CHD5: variants seen among roughly 807,000 people sequenced by gnomAD.
The protein encoded by CHD5 is chromodomain helicase DNA binding protein 5.
Under a neutral mutation model 230.3 loss-of-function variants are expected in CHD5, and 69 were observed. The ratio of observed to expected loss-of-function variants is 0.30; its 90% CI spans 0.25 to 0.37. The LOEUF (loss-of-function observed/expected upper bound fraction) is 0.37. Ranked by LOEUF, CHD5 falls within the 10% of genes least tolerant of loss-of-function variation. The probability of loss-of-function intolerance (pLI) is 1.00; values close to 1 mark genes in which losing one functional copy is unlikely to be tolerated. For synonymous variants in CHD5, 1,064 were observed against 1,065.9 expected, an observed-to-expected ratio of 1.00 and a Z score of 0.03; for missense variants, 1,827 against 2,622.8, an observed-to-expected ratio of 0.70 and a Z score of 6.63.
intron 3 of CHD5, among the ~76,000 whole-genome samples, chr1:6,159,006 C>CAAAAAAAA (rs35569300): frequency 1.6e-5 from 1 of 63,642 alleles, no homozygotes; most frequent in Non-Finnish European, 2.8e-5. Context: ...GACTCCGTCT[C>CAAAAAAAA]AAAAAAAAAA....
chr1:6,124,675 GGGGGACTGGGGCTCAGGGAGTGGGGGGC>G lies in CHD5; in HGVS notation c.4395-42_4395-15del. On this transcript the variant is annotated splice_polypyrimidine_tract_variant and intron_variant, in intron 29 of 41. Coordinates refer to ENST00000262450, the MANE Select transcript of CHD5 (RefSeq NM_015557.3). ...GACACATAGGCTCTGGGGTGGGGGGGGGGGACTGGGGCTCAGGGAGTGGGGGGCCGGCAAGAACCCTCTGAGAGGGCTG... is the reference window on the plus strand; with the variant it reads ...GACACATAGGCTCTGGGGTGGGGGGGCGGCAAGAACCCTCTGAGAGGGCTG... 1.3e-6 allele frequency: 1 copy of G among 773,362 alleles called. No homozygotes were observed. The highest frequency in any genetic ancestry group is 2.2e-6 in the Non-Finnish European group (1 of 462,828). 47.9% of individuals were successfully genotyped at this position (773,362 alleles called of 1,614,324 possible).
chr1:6,163,506 A>T (rs917860011), intron 2 of CHD5, among the ~76,000 whole-genome samples: 1 of 152,144 alleles, frequency 6.6e-6, no homozygotes, highest in Non-Finnish European at 1.5e-5. Context: ...GACATTCTAG[A>T]ACTAGGCCTC....
At chr1:6,140,525 T>G (rs546626643) in intron 15 of CHD5, among the ~76,000 whole-genome samples, 15 of 152,310 alleles carry the variant, frequency 9.8e-5, no homozygotes, top group African/African-American at 3.6e-4. Context: ...GACCTCATGC[T>G]TATTAACTCA....
At chr1:6,179,227 A>C (rs2100893379) in intron 1 of CHD5, among the ~76,000 whole-genome samples, 1 of 152,296 alleles carries the variant, frequency 6.6e-6, no homozygotes, top group East Asian at 1.9e-4. Context: ...TGGGCTGGGA[A>C]CGGCCACCAC....
rs774612288 is a variant in CHD5, at chr1:6,131,595, A to C, written c.3262+36T>G. The C allele has an allele frequency of 1.6e-6, 2 of 1,262,538 alleles. No homozygotes were observed. The highest frequency in any genetic ancestry group is 2.4e-5 in the South Asian group (2 of 82,596). The allele number at this position is 1,262,538 out of a possible 1,614,324, so 78.2% of individuals were successfully genotyped here. On this transcript the variant is annotated intron_variant, in intron 21 of 41. Transcript: ENST00000262450. The surrounding 1 kb of genome is among the most constrained non-coding windows in gnomAD (Gnocchi z 5.0). Reference sequence around the variant, plus strand: ...GGCCTGGGAGAAGAGGCCAAAAAGGAGTCTCAATCAGAACCCTTGGGCAGG... The same window carrying C: ...GGCCTGGGAGAAGAGGCCAAAAAGGCGTCTCAATCAGAACCCTTGGGCAGG...
rs1247364207 is a variant in CHD5 at position 6,109,948 on chromosome 1, C to A, written c.5425G>T (p.Ala1809Ser). The A allele has an allele frequency of 1.3e-6, 2 of 1,581,212 alleles. No homozygotes were observed. Among genetic ancestry groups the A allele is most frequent in the Admixed American group, 1.8e-5 (1 of 55,552 alleles). The change falls in exon 38 of 42, where the codon GCC (alanine) becomes TCC (serine). Residue 1809 changes from alanine to serine, a missense_variant. Physicochemically the swap from Ala to Ser is moderately conservative, Grantham distance 99. Around this residue, in one of 14 missense-constraint regions of CHD5, gnomAD observed 208 missense variants for 302.0 expected, o/e 0.69. Transcript: ENST00000262450. ...ALVIEEQLRRAAYLNMTQDPN... is the reference protein window; with the variant it reads ...ALVIEEQLRRSAYLNMTQDPN... ...TCCTGCGTCATGTTCAGGTACGCGGCCCTCCGGAGCTGCTCCTCAATGACC... is the reference window on the plus strand; with the variant it reads ...TCCTGCGTCATGTTCAGGTACGCGGACCTCCGGAGCTGCTCCTCAATGACC...
rs575662511 is a variant in CHD5, at chr1:6,159,374, C to G, written c.349G>C (p.Asp117His). 10 of 1,552,044 alleles carry G rather than the reference C, an allele frequency of 6.4e-6. No individual in the cohort carries two copies. The highest frequency in any genetic ancestry group is 7.8e-6 in the Non-Finnish European group (9 of 1,147,010). The change falls in exon 3 of 42, where the codon GAT (aspartate) becomes CAT (histidine). Residue 117 changes from aspartate to histidine, a missense_variant. Coordinates refer to ENST00000262450, the MANE Select transcript of CHD5 (RefSeq NM_015557.3). ...KEKKAKRKKK[D>H]EDEDDNDDGC... The stretch of plus-strand genomic sequence containing the variant: ...TCATCATTATCATCCTCATCCTCAT[C>G]CTTCTTTTTTCGCTTGGCTTTTTTC...
rs754027952 is a variant in CHD5, at chr1:6,112,901, C to A, written c.5002+8G>T. On this transcript the variant is annotated splice_region_variant and intron_variant, in intron 34 of 41. Coordinates refer to ENST00000262450, the MANE Select transcript of CHD5 (RefSeq NM_015557.3). The stretch of plus-strand genomic sequence containing the variant: ...GGCACAGGTAGAGAACACAGAAGAG[C>A]CCCAGACCTGGCCTGAGTTCGGAAC... The A allele has an allele frequency of 6.2e-7, 1 of 1,608,918 alleles. No individual in the cohort carries two copies. Among genetic ancestry groups the A allele is most frequent in the South Asian group, 1.1e-5 (1 of 90,950 alleles).
chr1:6,118,767 G>A lies in CHD5; in HGVS notation c.4912+2338C>T, dbSNP rs1026026110. On this transcript the variant is annotated intron_variant, in intron 33 of 41. Coordinates refer to ENST00000262450, the MANE Select transcript of CHD5 (RefSeq NM_015557.3). Reference sequence around the variant, plus strand: ...GGCTGGAGTGCAGTGGTGCCATCTCGGCTCACTGCGACCTCTGCCTCCTAG... The same window carrying A: ...GGCTGGAGTGCAGTGGTGCCATCTCAGCTCACTGCGACCTCTGCCTCCTAG... Among the ~76,000 whole-genome samples the A allele has an allele frequency of 1.1e-4, 17 of 149,950 alleles. No homozygotes were observed. The East Asian group carries it at 2.2e-3, about 19-fold the overall frequency.
chr1:6,176,723 T>C (rs1667431069), intron 1 of CHD5, among the ~76,000 whole-genome samples: 1 of 152,174 alleles, frequency 6.6e-6, no homozygotes, highest in African/African-American at 2.4e-5. Context: ...TCACTGTTCC[T>C]CATAATAACC....
intron 15 of CHD5, among the ~76,000 whole-genome samples, chr1:6,137,088 G>A (rs1172295462): frequency 6.6e-6 from 1 of 151,970 alleles, no homozygotes; most frequent in Admixed American, 6.6e-5. Flanking sequence ...GTGTGGAGGA[G>A]GAGAAGAAAC....
At position 6,106,292 on chromosome 1, in the gene CHD5, C is replaced by CA. The variant is rs1056010834; in HGVS notation, c.5858-6dup. The CA allele has an allele frequency of 6.2e-6, 10 of 1,612,592 alleles. No homozygotes were observed. Among genetic ancestry groups the CA allele is most frequent in the African/African-American group, 5.3e-5 (4 of 74,926 alleles). On this transcript the variant is annotated splice_region_variant and splice_polypyrimidine_tract_variant and intron_variant, in intron 40 of 41. Coordinates refer to ENST00000262450, the MANE Select transcript of CHD5 (RefSeq NM_015557.3). ...GTCTCGAGGACGGCTAGATATCTGTCAAAAAAAGAGGAGAGCCGGGCTTGC... is the reference window on the plus strand; with the variant it reads ...GTCTCGAGGACGGCTAGATATCTGTCAAAAAAAAGAGGAGAGCCGGGCTTGC...
At chr1:6,158,864 G>A (rs919901102) in intron 3 of CHD5, among the ~76,000 whole-genome samples, 23 of 150,170 alleles carry the variant, frequency 1.5e-4, no homozygotes, top group East Asian at 7.8e-4. Context: ...AAAATTAGCC[G>A]GGCGTAGTGG....
intron 13 of CHD5, 107 bp downstream of exon 13, chr1:6,143,716 G>A (rs552801159): frequency 8.0e-6 from 8 of 1,001,766 alleles, no homozygotes; most frequent in African/African-American, 3.1e-5. Flanking sequence ...AAGCCATGAG[G>A]GCCCAAGGAA....
chr1:6,149,051 G>A lies in CHD5; in HGVS notation c.1186C>T (p.Pro396Ser). 1 of 1,567,330 alleles carries A rather than the reference G, an allele frequency of 6.4e-7. No individual in the cohort carries two copies. Among genetic ancestry groups the A allele is most frequent in the Non-Finnish European group, 8.6e-7 (1 of 1,157,474 alleles). ...HCEKEGIQWE[P>S]KDDDDEEEEG... ...TCCTCTTCATCGTCGTCGTCCTTCG[G>A]CTCCCACTGGATCCCCTCCTTCTCC... Residue 396 changes from proline to serine, a missense_variant, in exon 9 of 42, where the codon CCG (proline) becomes TCG (serine). Coordinates refer to ENST00000262450, the MANE Select transcript of CHD5 (RefSeq NM_015557.3).
intron 1 of CHD5, 106 bp downstream of exon 1, chr1:6,179,839 G>T (rs1347499884): frequency 4.2e-5 from 17 of 404,396 alleles, no homozygotes; most frequent in Non-Finnish European, 5.3e-5. Context: ...CTCCTGCGAG[G>T]CGCCAGCCCG....
chr1:6,153,987 C>G (rs34308690), intron 5 of CHD5, among the ~76,000 whole-genome samples: 22,730 of 152,070 alleles, frequency 0.15, 1,931 homozygotes, highest in East Asian at 0.39. Flanking sequence ...CACAGGGGGC[C>G]TCTGCTGCCT....
intron 9 of CHD5, among the ~76,000 whole-genome samples, chr1:6,147,479 T>G (rs1385383053): frequency 6.6e-6 from 1 of 152,156 alleles, no homozygotes; most frequent in African/African-American, 2.4e-5. Flanking sequence ...AGGGTGACAG[T>G]GAGCTGCTGG....
chr1:6,134,107 G>A lies in CHD5; in HGVS notation c.3144+21C>T, dbSNP rs183626035. ...TCTGTGGGGTGTGGAGCCGGGGCGG[G>A]GGTGGGCAGGGGCAGCGCACCTGGG... On this transcript the variant is annotated intron_variant, in intron 20 of 41. Coordinates refer to ENST00000262450, the MANE Select transcript of CHD5 (RefSeq NM_015557.3). This position sits in a 1 kb window ranked among gnomAD's most constrained non-coding sequence, Gnocchi z 6.3. 6 of 1,607,648 alleles carry A rather than the reference G, an allele frequency of 3.7e-6. No homozygotes were observed. Among genetic ancestry groups the A allele is most frequent in the Non-Finnish European group, 3.4e-6 (4 of 1,178,592 alleles).
Sources: allele counts gnomAD v4.1 joint callset (sites outside exome capture counted in the v4.1 genomes callset), GRCh38; gene constraint gnomAD v4.1.1; regional missense constraint gnomAD v4.1.1; non-coding constraint Gnocchi (gnomAD v3.1); transcripts MANE v1.5; gene names NCBI Gene and HGNC (gene_info 2026-07-23, HGNC 2026-07-21).